BLM: variants seen among roughly 807,000 people sequenced by gnomAD.
BLM encodes the protein recQ-like DNA helicase BLM.
BLM carries 95 observed loss-of-function variants against 135.3 expected under a neutral mutation model. The ratio of observed to expected loss-of-function variants is 0.70; its 90% CI spans 0.59 to 0.83. BLM has a LOEUF of 0.83. Among genes scored for constraint, BLM ranks in the 40% least tolerant of loss-of-function variants. BLM has a pLI of 0.00. For synonymous variants in BLM, 520 were observed against 589.2 expected (o/e 0.88, Z 1.70); for missense variants, 1,518 against 1,663.9 (o/e 0.91, Z 1.53).
chr15:90,811,541 A>G (rs1400684884), intron 21 of BLM, 135 bp downstream of exon 21: 1 of 997,860 alleles, frequency 1.0e-6, no homozygotes. Context: ...ACAGTTGTTA[A>G]TGGAGTGACA....
Position 90,752,052 on chromosome 15 carries a change from A to C in BLM, c.959+106A>C, listed in dbSNP as rs1161194519. ...TATATAAAAGTATTTTGTGCTTTCT[A>C]CAATTATTTTACATTCAAGTGAAAG... On this transcript the variant is annotated intron_variant, in intron 4 of 21. Coordinates refer to ENST00000355112, the MANE Select transcript of BLM (RefSeq NM_000057.4). 3 of 1,109,804 alleles carry C rather than the reference A, an allele frequency of 2.7e-6. No homozygotes were observed. In the South Asian group the frequency reaches 4.5e-5, roughly 17 times the overall value. The allele number at this position is 1,109,804 out of a possible 1,614,324, so 68.7% of individuals were successfully genotyped here.
At chr15:90,718,417 G>A (rs559740824) in intron 1 of BLM, among the ~76,000 whole-genome samples, 1 of 152,306 alleles carries the variant, frequency 6.6e-6, no homozygotes, top group Admixed American at 6.5e-5. Context: ...GCGTGAGATG[G>A]AGCAGGTGAC....
intron 12 of BLM, among the ~76,000 whole-genome samples, chr15:90,774,996 T>G (rs1471861081): frequency 6.6e-6 from 1 of 152,182 alleles, no homozygotes; most frequent in Non-Finnish European, 1.5e-5. Flanking sequence ...GGAAGTGGCT[T>G]GATCTGAACT....
intron 1 of BLM, among the ~76,000 whole-genome samples, chr15:90,729,682 G>T (rs1003976891): frequency 1.3e-5 from 2 of 152,170 alleles, no homozygotes; most frequent in Admixed American, 1.3e-4. Context: ...CTTATTAGCA[G>T]TCTTAATTCC....
intron 20 of BLM, among the ~76,000 whole-genome samples, chr15:90,810,113 TC>T (rs1897376370): frequency 6.6e-6 from 1 of 151,094 alleles, no homozygotes; most frequent in African/African-American, 2.4e-5. Flanking sequence ...AGGCTGGAGT[TC>T]AGTGGCACAA....
chr15:90,747,322 C>T (rs1490021995), intron 1 of BLM, 67 bp from the exon 2 acceptor site: 2 of 1,263,712 alleles, frequency 1.6e-6, no homozygotes, highest in African/African-American at 1.5e-5. Context: ...CCTTCCTCCC[C>T]TCAAAAAACA....
At chr15:90,736,419 C>G (rs939284336) in intron 1 of BLM, among the ~76,000 whole-genome samples, 4 of 152,046 alleles carry the variant, frequency 2.6e-5, no homozygotes, top group African/African-American at 7.2e-5. Context: ...GCCACCACGC[C>G]TTACTAATTT....
In BLM at chr15:90,760,383, G is replaced by A; in HGVS notation, c.1220+104G>A. ...GTTCAGGCTTTCTGGCCTGGAAATG[G>A]CATAAGGATGATCATCATGCCACTA... is the stretch of plus-strand genomic sequence containing the variant. On this transcript the variant is annotated intron_variant, in intron 6 of 21. Transcript: ENST00000355112. 2.0e-6 allele frequency: 3 copies of A among 1,473,922 alleles called. No homozygotes were observed. The Admixed American group carries it at 5.0e-5, about 25-fold the overall frequency. 91.3% of individuals were successfully genotyped at this position (1,473,922 alleles called of 1,614,324 possible).
At chr15:90,804,914 ACAAC>A (rs1046640790) in intron 19 of BLM, among the ~76,000 whole-genome samples, 44 of 152,216 alleles carry the variant, frequency 2.9e-4, no homozygotes, top group African/African-American at 9.6e-4. Flanking sequence ...TCAGCTCATC[ACAAC>A]CTCCGCCTCC....
chr15:90,765,476 A>G, intron 9 of BLM, 62 bp downstream of exon 9: 2 of 1,282,152 alleles, frequency 1.6e-6, no homozygotes, highest in South Asian at 2.4e-5. Context: ...AGTCCTCTGG[A>G]TAACCTTTTT....
chr15:90,764,561 T>A (rs898925505), intron 8 of BLM, among the ~76,000 whole-genome samples: 3 of 151,818 alleles, frequency 2.0e-5, no homozygotes, highest in African/African-American at 7.3e-5. Context: ...GTTGCCCAAG[T>A]TGATCTCAAA....
chr15:90,804,129 A>G, intron 18 of BLM, 38 bp from the exon 19 acceptor site: 5 of 1,561,682 alleles, frequency 3.2e-6, no homozygotes, highest in Non-Finnish European at 4.4e-6. Flanking sequence ...ACAAGTGCAC[A>G]TATACCCACT....
Position 90,784,937 on chromosome 15 carries a change from T to C in BLM, c.2679T>C (p.Ile893=), listed in dbSNP as rs751945434. 8 of 1,613,874 alleles carry C rather than the reference T, an allele frequency of 5.0e-6. No homozygotes were observed. Among genetic ancestry groups the C allele is most frequent in the Non-Finnish European group, 6.8e-6 (8 of 1,179,802 alleles). ...TCTTGGCAGATGATTCAGGGATAAT[T>C]TACTGCCTCTCCAGGCGAGAATGTG... The part of the protein sequence containing the change: ...RKHHPYDSGI[I]YCLSRRECDT... The change falls in exon 14 of 22, where the codon ATT becomes ATC. Residue 893 remains isoleucine (I), a synonymous_variant. Coordinates refer to ENST00000355112, the MANE Select transcript of BLM (RefSeq NM_000057.4).
intron 19 of BLM, among the ~76,000 whole-genome samples, chr15:90,804,752 A>G (rs1897250351): frequency 6.6e-6 from 1 of 152,232 alleles, no homozygotes; most frequent in Non-Finnish European, 1.5e-5. Flanking sequence ...GATAAGCATG[A>G]GCCACTGAGC....
At chr15:90,734,606 A>G (rs1239773034) in intron 1 of BLM, among the ~76,000 whole-genome samples, 1 of 151,396 alleles carries the variant, frequency 6.6e-6, no homozygotes, top group Non-Finnish European at 1.5e-5. Flanking sequence ...CTTCTTAATG[A>G]TGGTATTCTC....
intron 8 of BLM, among the ~76,000 whole-genome samples, chr15:90,764,104 G>GA (rs1896057568): frequency 6.6e-6 from 1 of 150,970 alleles, no homozygotes; most frequent in African/African-American, 2.4e-5. Flanking sequence ...TCTAACGCTG[G>GA]AAAAAACCTT....
chr15:90,794,192 A>G lies in BLM; in HGVS notation c.3045A>G (p.Thr1015=), dbSNP rs966206627. ...TGGAAAAAGATGGAAACCATCATAC[A>G]AGAGAAACTCACTTCAATAATTTGT... ...IMMEKDGNHH[T]RETHFNNLYS... Residue 1015 remains threonine, a synonymous_variant, in exon 16 of 22, where the codon ACA becomes ACG. Coordinates refer to ENST00000355112, the MANE Select transcript of BLM (RefSeq NM_000057.4). The G allele has an allele frequency of 7.5e-6, 12 of 1,605,318 alleles. No individual in the cohort carries two copies. The highest frequency in any genetic ancestry group is 9.4e-6 in the Non-Finnish European group (11 of 1,174,502).
At chr15:90,744,911 G>C (rs769828656) in intron 1 of BLM, among the ~76,000 whole-genome samples, 1 of 151,852 alleles carries the variant, frequency 6.6e-6, no homozygotes, top group Non-Finnish European at 1.5e-5. Context: ...AATTAGTGGG[G>C]CATGGTGGTG....
chr15:90,745,333 ATT>A (rs1387954697), intron 1 of BLM, among the ~76,000 whole-genome samples: 49 of 152,188 alleles, frequency 3.2e-4, no homozygotes, highest in Non-Finnish European at 4.9e-4. Context: ...ATTCATCACT[ATT>A]TGAAGGTGGT....
Sources: allele counts gnomAD v4.1 joint callset (sites outside exome capture counted in the v4.1 genomes callset), GRCh38; gene constraint gnomAD v4.1.1; transcripts MANE v1.5; gene names NCBI Gene and HGNC (gene_info 2026-07-23, HGNC 2026-07-21).